Variants in PACSIN2 observed in about 807,000 individuals in gnomAD.
PACSIN2 encodes the protein protein kinase C and casein kinase substrate in neurons protein 2.
In PACSIN2, 25 loss-of-function variants were observed where a neutral mutation model predicts 63.8. That is an observed-to-expected ratio of 0.39 (90% CI 0.29 to 0.55). The LOEUF (loss-of-function observed/expected upper bound fraction) is 0.55, where lower values mean the gene tolerates loss of function less well. PACSIN2 is among the 20% of genes least tolerant of loss of function. The probability of loss-of-function intolerance (pLI) is 0.62; values close to 1 mark genes in which losing one functional copy is unlikely to be tolerated. For synonymous variants in PACSIN2, 255 were observed against 256.2 expected (o/e 1.00, Z 0.05); for missense variants, 518 against 646.9 (o/e 0.80, Z 2.16).
intron 6 of PACSIN2, 129 bp from the exon 7 acceptor site, chr22:42,882,433 A>G (rs1929153515): frequency 9.9e-7 from 1 of 1,014,478 alleles, no homozygotes; most frequent in Non-Finnish European, 1.4e-6. Context: ...ACAGAGCCAG[A>G]ACACTCCTCC....
At chr22:43,005,500 G>A (rs533854211) in intron 1 of PACSIN2, among the ~76,000 whole-genome samples, 1 of 152,190 alleles carries the variant, frequency 6.6e-6, no homozygotes, top group Non-Finnish European at 1.5e-5. Context: ...GACAGGCCCT[G>A]TAAGTGCCAG....
In PACSIN2 at chr22:42,882,167, G is replaced by A. The variant is rs756820257; in HGVS notation, c.906+17C>T. ...CTCTTCCAGGCTGATGAGCTCATGG[G>A]CACACCCTCCTCTTACCTCAAACTG... On this transcript the variant is annotated intron_variant, in intron 7 of 10. Coordinates refer to ENST00000263246, the MANE Select transcript of PACSIN2 (RefSeq NM_001184970.3). 13 of 1,613,530 alleles carry A rather than the reference G, an allele frequency of 8.1e-6. No individual in the cohort carries two copies. Among genetic ancestry groups the A allele is most frequent in the East Asian group, 2.2e-5 (1 of 44,888 alleles).
At chr22:42,887,924 C>T (rs1485525058) in intron 5 of PACSIN2, among the ~76,000 whole-genome samples, 2 of 152,124 alleles carry the variant, frequency 1.3e-5, no homozygotes, top group Admixed American at 6.5e-5. Context: ...TTCTGCCACC[C>T]CTGGCTCCAC....
At chr22:42,952,706 C>T (rs1173257657) in intron 1 of PACSIN2, among the ~76,000 whole-genome samples, 2 of 150,190 alleles carry the variant, frequency 1.3e-5, no homozygotes, top group African/African-American at 2.5e-5. Context: ...TCTGTCGCCC[C>T]GGCTGGAGTG....
At chr22:42,890,748 A>G (rs781746033) in intron 4 of PACSIN2, among the ~76,000 whole-genome samples, 199 bp downstream of exon 4, 2 of 152,202 alleles carry the variant, frequency 1.3e-5, no homozygotes, top group Non-Finnish European at 2.9e-5. Context: ...AAGAATGCAC[A>G]TAGAGCATTC....
intron 1 of PACSIN2, among the ~76,000 whole-genome samples, chr22:42,915,370 C>T (rs758741900): frequency 4.6e-5 from 7 of 152,184 alleles, no homozygotes; most frequent in South Asian, 4.1e-4. Flanking sequence ...GGACATTCTC[C>T]GGTTACATGG....
At chr22:42,884,779 C>T (rs919290826) in intron 5 of PACSIN2, among the ~76,000 whole-genome samples, 3 of 152,346 alleles carry the variant, frequency 2.0e-5, no homozygotes, top group Non-Finnish European at 2.9e-5. Context: ...GGAGCAAGGC[C>T]CAGACAGGTA....
At chr22:43,005,095 CAAG>C (rs1466868925) in intron 1 of PACSIN2, among the ~76,000 whole-genome samples, 3 of 152,354 alleles carry the variant, frequency 2.0e-5, no homozygotes, top group African/African-American at 7.2e-5. Flanking sequence ...GTGTGGAAAA[CAAG>C]GAGAAACTTC....
chr22:42,941,847 G>A (rs958362812), intron 1 of PACSIN2, among the ~76,000 whole-genome samples: 4 of 152,112 alleles, frequency 2.6e-5, no homozygotes, highest in East Asian at 3.9e-4. Flanking sequence ...CGCATTCTCG[G>A]CTCACTGCAA....
chr22:42,966,096 G>A (rs942867496), intron 1 of PACSIN2, among the ~76,000 whole-genome samples: 2 of 152,194 alleles, frequency 1.3e-5, no homozygotes, highest in Non-Finnish European at 2.9e-5. Context: ...CTTGGGCTGG[G>A]CGCGGTGGCT....
At chr22:42,905,338 C>T (rs1357191714) in intron 2 of PACSIN2, among the ~76,000 whole-genome samples, 1 of 152,248 alleles carries the variant, frequency 6.6e-6, no homozygotes, top group Non-Finnish European at 1.5e-5. Context: ...GCTGCAGAAA[C>T]GGTAAGTGTA....
At chr22:42,951,312 TTG>T (rs1933681346) in intron 1 of PACSIN2, among the ~76,000 whole-genome samples, 1 of 152,146 alleles carries the variant, frequency 6.6e-6, no homozygotes, top group South Asian at 2.1e-4. Context: ...AAGCACCCAA[TTG>T]GTGCCCTTAT....
intron 1 of PACSIN2, among the ~76,000 whole-genome samples, chr22:42,934,560 A>G (rs1932852729): frequency 1.3e-5 from 2 of 152,172 alleles, no homozygotes; most frequent in South Asian, 4.1e-4. Flanking sequence ...CCTGATAGCC[A>G]CACGTGCAGC....
intron 1 of PACSIN2, among the ~76,000 whole-genome samples, chr22:42,955,768 C>T (rs766888028): frequency 2.4e-4 from 36 of 152,322 alleles, no homozygotes; most frequent in Non-Finnish European, 3.8e-4. Flanking sequence ...CTGAGGTGAC[C>T]GTCCCTATAG....
At chr22:42,975,768 G>C (rs911113645) in intron 1 of PACSIN2, among the ~76,000 whole-genome samples, 1 of 151,784 alleles carries the variant, frequency 6.6e-6, no homozygotes, top group African/African-American at 2.4e-5. Flanking sequence ...TAGTTCTCCA[G>C]CTAGGAGGTT....
intron 8 of PACSIN2, among the ~76,000 whole-genome samples, 182 bp from the exon 9 acceptor site, chr22:42,877,192 C>G (rs188092078): frequency 6.6e-6 from 1 of 152,196 alleles, no homozygotes; most frequent in Non-Finnish European, 1.5e-5. Context: ...CTGTGAAACA[C>G]GGTCCAGGAG....
chr22:42,990,072 ATATATGTGTGTG>A (rs959104865), intron 1 of PACSIN2, among the ~76,000 whole-genome samples: 19 of 132,088 alleles, frequency 1.4e-4, no homozygotes, highest in African/African-American at 4.5e-4. Context: ...ATGTGTGTAT[ATATATGTGTGTG>A]TATATATGTA....
At chr22:42,945,508 T>C (rs561501505) in intron 1 of PACSIN2, among the ~76,000 whole-genome samples, 68 of 152,238 alleles carry the variant, frequency 4.5e-4, no homozygotes, top group African/African-American at 8.4e-4. Flanking sequence ...CCTTGCAAAC[T>C]ATCCCCTTCC....
intron 5 of PACSIN2, among the ~76,000 whole-genome samples, chr22:42,886,933 A>G (rs928723653): frequency 2.0e-5 from 3 of 152,138 alleles, no homozygotes; most frequent in African/African-American, 7.2e-5. Context: ...TCAAACATGA[A>G]AGGCCTCTTC....
Sources: gnomAD v4.1 joint callset for allele counts (sites outside exome capture counted in the v4.1 genomes callset) on GRCh38, gnomAD v4.1.1 for gene constraint, MANE v1.5 for transcripts, NCBI Gene and HGNC (gene_info 2026-07-23, HGNC 2026-07-21) for gene names.